Variants in RGPD8 observed in about 807,000 individuals in gnomAD.
RGPD8 encodes RANBP2-like and GRIP domain-containing protein 8.
In RGPD8, 15 loss-of-function variants were observed where a neutral mutation model predicts 89.1. The ratio of observed to expected loss-of-function variants is 0.17; its 90% CI spans 0.11 to 0.26. The LOEUF (loss-of-function observed/expected upper bound fraction) is 0.26. RGPD8 is among the 10% of genes least tolerant of loss of function. The pLI is 1.00. For synonymous variants in RGPD8, 62 were observed against 420.9 expected, an observed-to-expected ratio of 0.15 and a Z score of 10.44; for missense variants, 178 against 1,179.6, an observed-to-expected ratio of 0.15 and a Z score of 12.44.
chr2:112,415,855 C>T (rs1256660961), intron 6 of RGPD8, among the ~76,000 whole-genome samples: 3 of 147,852 alleles, frequency 2.0e-5, no homozygotes, highest in Admixed American at 6.7e-5. Context: ...TGCATGCCAA[C>T]CTGGCGAGAG....
chr2:112,414,186 C>T (rs1233557211), intron 6 of RGPD8, among the ~76,000 whole-genome samples: 2 of 142,284 alleles, frequency 1.4e-5, no homozygotes, highest in Middle Eastern at 3.5e-3. Flanking sequence ...ATAAAAAATG[C>T]TATTATTGGC....
chr2:112,371,999 A>T (rs1677979248), intron 22 of RGPD8, among the ~76,000 whole-genome samples: 1 of 115,066 alleles, frequency 8.7e-6, no homozygotes, highest in East Asian at 2.7e-4. Flanking sequence ...TATTTATTTC[A>T]CAGTTTCTGT....
intron 1 of RGPD8, among the ~76,000 whole-genome samples, chr2:112,424,744 A>T (rs539305820): frequency 6.6e-6 from 1 of 150,594 alleles, no homozygotes; most frequent in Non-Finnish European, 1.5e-5. Context: ...AAACATCATC[A>T]TCATCATCAT....
intron 6 of RGPD8, among the ~76,000 whole-genome samples, chr2:112,415,786 G>A (rs1276873708): frequency 7.1e-6 from 1 of 141,500 alleles, no homozygotes; most frequent in African/African-American, 2.7e-5. Flanking sequence ...AGGAGGCAGA[G>A]ACAAGAGAAT....
intron 1 of RGPD8, among the ~76,000 whole-genome samples, chr2:112,425,756 C>CAAAA (rs942303412): frequency 1.2e-4 from 12 of 100,398 alleles, no homozygotes; most frequent in African/African-American, 4.2e-4. Context: ...GATTCCATCT[C>CAAAA]AAAAAAAAAA....
chr2:112,404,700 C>CAAAA (rs1318458486), intron 8 of RGPD8, among the ~76,000 whole-genome samples: 148 of 45,698 alleles, frequency 3.2e-3, no homozygotes, highest in African/African-American at 0.012. Flanking sequence ...ACTAAAAATA[C>CAAAA]AAAAAAAAAA....
chr2:112,432,147 C>G (rs950785770), intron 1 of RGPD8, among the ~76,000 whole-genome samples: 3 of 152,198 alleles, frequency 2.0e-5, no homozygotes, highest in Non-Finnish European at 4.4e-5. Flanking sequence ...AGCAAACTGA[C>G]TCAAGATTCT....
At chr2:112,370,284 T>G in intron 22 of RGPD8, 72 bp from the exon 23 acceptor site, 1 of 769,312 alleles carries the variant, frequency 1.3e-6, no homozygotes, top group Non-Finnish European at 1.9e-6. Flanking sequence ...AAAATCTATA[T>G]TTTAGAACCA....
intron 1 of RGPD8, among the ~76,000 whole-genome samples, chr2:112,425,137 T>A (rs1016350853): frequency 4.3e-4 from 66 of 152,146 alleles, no homozygotes; most frequent in African/African-American, 1.4e-3. Context: ...AGTTAAGAAT[T>A]TTCATCAGCC....
chr2:112,432,466 A>T, intron 1 of RGPD8: 1 of 985,260 alleles, frequency 1.0e-6, no homozygotes, highest in South Asian at 4.7e-5. Context: ...TACTCAAAAC[A>T]AGGGGACTTT....
chr2:112,390,401 C>T (rs1028227279), intron 19 of RGPD8, among the ~76,000 whole-genome samples, 154 bp from the exon 20 acceptor site: 1 of 132,152 alleles, frequency 7.6e-6, no homozygotes, highest in African/African-American at 2.8e-5. Flanking sequence ...CATTAATGTG[C>T]CAGCTGGGCA....
chr2:112,433,119 C>G, intron 1 of RGPD8, among the ~76,000 whole-genome samples: 1 of 115,542 alleles, frequency 8.7e-6, no homozygotes, highest in Non-Finnish European at 2.0e-5. Context: ...GACCCCTGAC[C>G]CATCGAGGCC....
At chr2:112,429,415 C>CAAAAAAAAAAAAAAAAAA (rs71412832) in intron 1 of RGPD8, among the ~76,000 whole-genome samples, 11 of 45,742 alleles carry the variant, frequency 2.4e-4, no homozygotes, top group African/African-American at 3.0e-4. Context: ...GACTCCGTCT[C>CAAAAAAAAAAAAAAAAAA]AAAAAAAAAA....
intron 1 of RGPD8, among the ~76,000 whole-genome samples, chr2:112,428,839 A>G (rs1679890265): frequency 6.6e-6 from 1 of 150,844 alleles, no homozygotes; most frequent in African/African-American, 2.4e-5. Context: ...AAATAAAGCA[A>G]TTATTCAGTC....
At chr2:112,428,154 C>CA (rs1553506500) in intron 1 of RGPD8, among the ~76,000 whole-genome samples, 2 of 152,088 alleles carry the variant, frequency 1.3e-5, no homozygotes, top group African/African-American at 2.4e-5. Context: ...TTCAAAATTG[C>CA]AAAAAAAATT....
intron 7 of RGPD8, among the ~76,000 whole-genome samples, chr2:112,409,770 C>T (rs1214167131): frequency 3.5e-5 from 5 of 144,472 alleles, no homozygotes; most frequent in East Asian, 2.0e-4. Flanking sequence ...CATGCCACTG[C>T]ACTCCAGCCA....
intron 22 of RGPD8, among the ~76,000 whole-genome samples, chr2:112,377,280 GT>G (rs1189164529): frequency 0.11 from 5,502 of 52,044 alleles, 424 homozygotes; most frequent in African/African-American, 0.35. Flanking sequence ...CTACATCATA[GT>G]TTTTTTTTTT....
intron 1 of RGPD8, among the ~76,000 whole-genome samples, chr2:112,432,206 G>A (rs1244325961): frequency 6.6e-6 from 1 of 151,974 alleles, no homozygotes; most frequent in Non-Finnish European, 1.5e-5. Flanking sequence ...TAGATCCAAT[G>A]ACTAAAGTCT....
chr2:112,430,358 T>C (rs2458948), intron 1 of RGPD8, among the ~76,000 whole-genome samples: 16 of 152,162 alleles, frequency 1.1e-4, no homozygotes, highest in African/African-American at 3.4e-4. Context: ...AACCTAACTT[T>C]ACAGAATAGC....
Sources: allele counts gnomAD v4.1 joint callset (sites outside exome capture counted in the v4.1 genomes callset), GRCh38; gene constraint gnomAD v4.1.1; transcripts MANE v1.5; gene names NCBI Gene and HGNC (gene_info 2026-07-23, HGNC 2026-07-21).